Variants in MUC4 observed in about 807,000 individuals in gnomAD.
MUC4 encodes mucin-4.
In MUC4, 202 loss-of-function variants were observed where a neutral mutation model predicts 257.9. The observed-to-expected ratio is 0.78, with a 90% CI of 0.70 to 0.88. The LOEUF is 0.88. Among genes scored for constraint, MUC4 ranks in the 40% least tolerant of loss-of-function variants. MUC4 has a pLI of 0.00. For synonymous variants in MUC4, 2,351 were observed against 2,757.1 expected (o/e 0.85, Z 4.62); for missense variants, 5,976 against 6,513.7 (o/e 0.92, Z 2.84).
chr3:195,810,518 C>G lies in MUC4; in HGVS notation c.82+1218G>C, dbSNP rs1485829961. ...GAACATCTCCCACAGGCCTGGCATC[C>G]CTCCCCTCCCAGCTCTGTACACGGA... On this transcript the variant is annotated intron_variant, in intron 1 of 24. Coordinates refer to ENST00000463781, the MANE Select transcript of MUC4 (RefSeq NM_018406.7). This position sits in a 1 kb window ranked among gnomAD's most constrained non-coding sequence, Gnocchi z 4.2. Among the ~76,000 whole-genome samples, 1 of 152,196 alleles carries G rather than the reference C, an allele frequency of 6.6e-6. No homozygotes were observed. The highest frequency in any genetic ancestry group is 1.5e-5 in the Non-Finnish European group (1 of 68,030).
intron 18 of MUC4, among the ~76,000 whole-genome samples, chr3:195,754,952 G>GTGTATCCATGTGTGTA (rs71180953): frequency 0.66 from 83,245 of 126,394 alleles, 28,684 homozygotes; most frequent in Non-Finnish European, 0.78. Context: ...ATCCATATGT[G>GTGTATCCATGTGTGTA]TGTATCCATG....
intron 18 of MUC4, 43 bp from the exon 19 acceptor site, chr3:195,754,415 T>G (rs1299373531): frequency 7.0e-6 from 11 of 1,571,200 alleles, no homozygotes; most frequent in Non-Finnish European, 9.5e-6. Flanking sequence ...GAGACCAAAC[T>G]GGGAAGGGCT....
At chr3:195,778,494 G>A in intron 2 of MUC4, 39 bp from the exon 3 acceptor site, 1 of 1,602,768 alleles carries the variant, frequency 6.2e-7, no homozygotes. Flanking sequence ...GTTTCTTACA[G>A]TAACAAAACA....
rs113773691 is a variant in MUC4, at chr3:195,765,424, C to G, written c.13644G>C (p.Arg4548Ser). ...NSGLQGLQFY[R>S]LHREERPNYR... ...AGTTGGGCCTTTCTTCCCGGTGTAGCCTGTAGAACTGCAGCCCTTGGAGGC... is the reference window on the plus strand; with the variant it reads ...AGTTGGGCCTTTCTTCCCGGTGTAGGCTGTAGAACTGCAGCCCTTGGAGGC... Residue 4548 changes from arginine (R) to serine (S), a missense_variant, in exon 9 of 25, where the codon AGG (arginine) becomes AGC (serine). Coordinates refer to ENST00000463781, the MANE Select transcript of MUC4 (RefSeq NM_018406.7). 2.5e-6 allele frequency: 4 copies of G among 1,613,266 alleles called. No homozygotes were observed. Among genetic ancestry groups the G allele is most frequent in the Non-Finnish European group, 3.4e-6 (4 of 1,179,848 alleles).
intron 19 of MUC4, chr3:195,753,668 G>A: frequency 4.4e-6 from 1 of 225,366 alleles, no homozygotes; most frequent in South Asian, 8.1e-5. Flanking sequence ...GCCTCGCTGT[G>A]ATCTCCCTCA....
At chr3:195,754,831 T>C (rs970989012) in intron 18 of MUC4, among the ~76,000 whole-genome samples, 6 of 112,656 alleles carry the variant, frequency 5.3e-5, no homozygotes, top group African/African-American at 1.8e-4. Flanking sequence ...TGTATCCATG[T>C]GTGTATGTAT....
chr3:195,799,249 G>GACAC (rs1734982829), intron 1 of MUC4, among the ~76,000 whole-genome samples: 1 of 122,714 alleles, frequency 8.1e-6, no homozygotes, highest in Non-Finnish European at 1.9e-5. Flanking sequence ...GTGTGTGTGT[G>GACAC]TGTGTGTGTG....
intron 4 of MUC4, among the ~76,000 whole-genome samples, 187 bp downstream of exon 4, chr3:195,773,985 G>A (rs944227678): frequency 1.3e-5 from 2 of 152,254 alleles, no homozygotes; most frequent in Non-Finnish European, 2.9e-5. Flanking sequence ...GGCCCAGCAG[G>A]TGGGCAGCCC....
In MUC4 at chr3:195,787,094, A is replaced by T; in HGVS notation, c.4486T>A (p.Ser1496Thr). The change falls in exon 2 of 25, where the codon TCA (serine) becomes ACA (threonine). Residue 1496 changes from serine to threonine, a missense_variant. This residue lies in a region of MUC4 where 19 missense variants were observed against 83.2 expected (regional missense o/e 0.23). Coordinates refer to ENST00000463781, the MANE Select transcript of MUC4 (RefSeq NM_018406.7). ...TTPLPVTSTS[S>T]ASTGHVTPLH... is the part of the protein sequence containing the mutation. The stretch of plus-strand genomic sequence containing the variant: ...GGAGTGACGTGACCTGTGGATGCTG[A>T]GGAAGTGCTAGTGACAGGAAGAGGC... The T allele has an allele frequency of 3.1e-6, 4 of 1,303,392 alleles. No homozygotes were observed. Among genetic ancestry groups the T allele is most frequent in the African/African-American group, 2.0e-5 (1 of 49,096 alleles). The allele number at this position is 1,303,392 out of a possible 1,614,324, so 80.7% of individuals were successfully genotyped here.
chr3:195,756,123 T>C (rs996547980), intron 18 of MUC4, among the ~76,000 whole-genome samples: 3 of 152,144 alleles, frequency 2.0e-5, no homozygotes, highest in South Asian at 2.1e-4. Context: ...GGTGTCAAGA[T>C]AGAGGGACCC....
Position 195,781,095 on chromosome 3 carries a change from G to A in MUC4, c.10485C>T (p.Ser3495=). The change falls in exon 2 of 25, where the codon TCC becomes TCT. Residue 3495 remains serine, a synonymous_variant. Coordinates refer to ENST00000463781, the MANE Select transcript of MUC4 (RefSeq NM_018406.7). ...HTTPLHVTIP[S]SASTGDTSTL... ...TGCTGGTGTCACCTGTGGATGCTGA[G>A]GAAGGGATGGTGACATGAAGAGGGG... The A allele has an allele frequency of 1.3e-6, 2 of 1,492,370 alleles. No individual in the cohort carries two copies. The highest frequency in any genetic ancestry group is 1.8e-6 in the Non-Finnish European group (2 of 1,111,266). The allele number at this position is 1,492,370 out of a possible 1,614,324, so 92.4% of individuals were successfully genotyped here.
intron 13 of MUC4, among the ~76,000 whole-genome samples, 180 bp downstream of exon 13, chr3:195,762,675 A>C (rs3107757): frequency 2.9e-5 from 1 of 34,044 alleles, no homozygotes. Context: ...GCCCTGCACC[A>C]CAACGCACCC....
At chr3:195,766,268 T>A (rs550939534) in intron 8 of MUC4, among the ~76,000 whole-genome samples, 1 of 152,180 alleles carries the variant, frequency 6.6e-6, no homozygotes, top group South Asian at 2.1e-4. Flanking sequence ...GCCGGTAGAT[T>A]TTCTTAAAGG....
At position 195,791,545 on chromosome 3, in the gene MUC4, C is replaced by T. The variant is rs760723559; in HGVS notation, c.83-48G>A. On this transcript the variant is annotated intron_variant, in intron 1 of 24. Coordinates refer to ENST00000463781, the MANE Select transcript of MUC4 (RefSeq NM_018406.7). ...AGCAGAGAGCTAAATCATGAATGAA[C>T]TCCTATTCACAATTGCTACAAATAG... 3.3e-6 allele frequency: 4 copies of T among 1,196,998 alleles called. No individual in the cohort carries two copies. The African/African-American group carries it at 6.0e-5, about 18-fold the overall frequency. 74.1% of individuals were successfully genotyped at this position (1,196,998 alleles called of 1,614,324 possible). A position where few individuals can be genotyped will look rare whatever the true frequency, so the allele number is the denominator to read the frequency against.
chr3:195,783,130 A>G lies in MUC4; in HGVS notation c.8450T>C (p.Leu2817Pro), dbSNP rs747980704. The change falls in exon 2 of 25, where the codon CTT (leucine) becomes CCT (proline). Residue 2817 changes from leucine (L) to proline (P), a missense_variant. This residue lies in a region of MUC4 where 228 missense variants were observed against 206.3 expected (regional missense o/e 1.11). Transcript: ENST00000463781. Reference protein sequence around the residue: ...SSVSTGHATSLPVTDASSVFT... With the variant: ...SSVSTGHATSPPVTDASSVFT... ...CACTGAGGAAGCGTCGGTGACAGGA[A>G]GAGAGGTGGCGTGACCTGTGGACAC... The G allele has an allele frequency of 3.1e-6, 4 of 1,291,896 alleles. No individual in the cohort carries two copies. The highest frequency in any genetic ancestry group is 3.5e-5 in the East Asian group (1 of 28,240). 80.0% of individuals were successfully genotyped at this position (1,291,896 alleles called of 1,614,324 possible).
At chr3:195,802,537 G>A (rs930652289) in intron 1 of MUC4, among the ~76,000 whole-genome samples, 1 of 152,140 alleles carries the variant, frequency 6.6e-6, no homozygotes, top group Non-Finnish European at 1.5e-5. Context: ...AGGTCCTGGG[G>A]TCACAGACTG....
Position 195,784,730 on chromosome 3 carries a change from C to T in MUC4, c.6850G>A (p.Gly2284Ser). Residue 2284 changes from glycine to serine, a missense_variant, in exon 2 of 25, where the codon GGT (glycine) becomes AGT (serine). Physicochemically the swap from Gly to Ser is moderately conservative, Grantham distance 56. Transcript: ENST00000463781. ...PVTSLSSVST[G>S]DTTPLPVTSP... is the part of the protein sequence containing the mutation. Reference sequence around the variant, plus strand: ...GTGACAGGAAGAGGAGTGGTGTCACCTGTGGATACTGAGGAAAGGCTGGTG... The same window carrying T: ...GTGACAGGAAGAGGAGTGGTGTCACTTGTGGATACTGAGGAAAGGCTGGTG... 6.9e-7 allele frequency: 1 copy of T among 1,458,342 alleles called. No individual in the cohort carries two copies. Among genetic ancestry groups the T allele is most frequent in the South Asian group, 1.3e-5 (1 of 78,840 alleles). 90.3% of individuals were successfully genotyped at this position (1,458,342 alleles called of 1,614,324 possible). A position where few individuals can be genotyped will look rare whatever the true frequency, so the allele number is the denominator to read the frequency against.
rs1728867504 is a variant in MUC4 at position 195,782,721 on chromosome 3, TGCTG to T, written c.8855_8858del (p.Ser2952TyrfsTer51). ...GAAGAGAGGTGGCGTGACCTGTGGATGCTGAGGAAGTGTCGGTGACAGGAAGAGG... is the reference window on the plus strand; with the variant it reads ...GAAGAGAGGTGGCGTGACCTGTGGATAGGAAGTGTCGGTGACAGGAAGAGG... On this transcript the variant is annotated frameshift_variant, in exon 2 of 25. Transcript: ENST00000463781. LOFTEE classifies it high-confidence loss of function. 1 of 1,515,442 alleles carries T rather than the reference TGCTG, an allele frequency of 6.6e-7. No individual in the cohort carries two copies. The highest frequency in any genetic ancestry group is 8.9e-7 in the Non-Finnish European group (1 of 1,127,236). The allele number at this position is 1,515,442 out of a possible 1,614,324, so 93.9% of individuals were successfully genotyped here. A position where few individuals can be genotyped will look rare whatever the true frequency, so the allele number is the denominator to read the frequency against.
In MUC4 at chr3:195,778,848, G is replaced by C; in HGVS notation, c.12732C>G (p.Ser4244Arg). ...ATACTGTGGAAGCTGAGGTAGCACTGCTGACAGCAAGAGGGGTGGCGTGAC... is the reference window on the plus strand; with the variant it reads ...ATACTGTGGAAGCTGAGGTAGCACTCCTGACAGCAAGAGGGGTGGCGTGAC... ...STGHATPLAVSSATSASTVSS... is the reference protein window; with the variant it reads ...STGHATPLAVRSATSASTVSS... The change falls in exon 2 of 25, where the codon AGC (serine) becomes AGG (arginine). Residue 4244 changes from serine to arginine, a missense_variant. Coordinates refer to ENST00000463781, the MANE Select transcript of MUC4 (RefSeq NM_018406.7). 6.2e-7 allele frequency: 1 copy of C among 1,612,024 alleles called. No homozygotes were observed. Among genetic ancestry groups the C allele is most frequent in the Non-Finnish European group, 8.5e-7 (1 of 1,179,410 alleles).
Sources: allele counts gnomAD v4.1 joint callset (sites outside exome capture counted in the v4.1 genomes callset), GRCh38; gene constraint gnomAD v4.1.1; regional missense constraint gnomAD v4.1.1; non-coding constraint Gnocchi (gnomAD v3.1); transcripts MANE v1.5; gene names NCBI Gene and HGNC (gene_info 2026-07-23, HGNC 2026-07-21).